The following NRXN3 variants were observed in gnomAD, a reference collection of about 807,000 sequenced individuals.
The protein encoded by NRXN3 is neurexin III.
NRXN3 carries 32 observed loss-of-function variants against 137.6 expected under a neutral mutation model. That is an observed-to-expected ratio of 0.23 (90% confidence interval 0.18 to 0.31). NRXN3 has a LOEUF of 0.31. Among genes scored for constraint, NRXN3 ranks in the 10% least tolerant of loss-of-function variants. The probability of loss-of-function intolerance (pLI) is 1.00; values close to 1 mark genes in which losing one functional copy is unlikely to be tolerated. For missense variants in NRXN3, 1,574 were observed against 2,062.5 expected (o/e 0.76, Z 4.59); for synonymous variants, 798 against 784.5 (o/e 1.02, Z -0.29).
At chr14:79,550,136 AT>A (rs1180982987) in intron 16 of NRXN3, among the ~76,000 whole-genome samples, 2 of 151,734 alleles carry the variant, frequency 1.3e-5, no homozygotes, top group African/African-American at 4.8e-5. Flanking sequence ...CACCAAGCTA[AT>A]TTTTTTATTT....
At chr14:79,803,913 GTATATA>G (rs72231822) in intron 19 of NRXN3, among the ~76,000 whole-genome samples, 2 of 139,326 alleles carry the variant, frequency 1.4e-5, no homozygotes, top group Non-Finnish European at 3.1e-5. Flanking sequence ...ATATATATAT[GTATATA>G]TATATATGTG....
intron 15 of NRXN3, among the ~76,000 whole-genome samples, chr14:79,035,310 T>G (rs1305581276): frequency 6.6e-6 from 1 of 152,112 alleles, no homozygotes; most frequent in Non-Finnish European, 1.5e-5. Flanking sequence ...GGACTGTCCT[T>G]TTAATAGGCC....
intron 15 of NRXN3, among the ~76,000 whole-genome samples, chr14:79,307,781 T>G (rs2086349515): frequency 6.6e-6 from 1 of 152,094 alleles, no homozygotes; most frequent in South Asian, 2.1e-4. Flanking sequence ...TCTCTCTCTC[T>G]TTCTCTCTTT....
intron 16 of NRXN3, among the ~76,000 whole-genome samples, chr14:79,643,865 G>A (rs2098443119): frequency 7.4e-6 from 1 of 135,356 alleles, no homozygotes; most frequent in South Asian, 2.3e-4. Context: ...AAACCCTGTT[G>A]AATTTTGTCT....
intron 15 of NRXN3, among the ~76,000 whole-genome samples, chr14:79,053,689 C>T (rs890816248): frequency 4.6e-5 from 7 of 151,332 alleles, no homozygotes; most frequent in Non-Finnish European, 7.4e-5. Flanking sequence ...GTGTCCCTAG[C>T]GGAAGAAGTA....
At chr14:79,363,808 T>G (rs542408809) in intron 15 of NRXN3, among the ~76,000 whole-genome samples, 2 of 152,206 alleles carry the variant, frequency 1.3e-5, no homozygotes, top group African/African-American at 4.8e-5. Context: ...TAGAATCCTG[T>G]TAAATCTAAC....
intron 4 of NRXN3, among the ~76,000 whole-genome samples, chr14:78,506,651 T>G (rs1326988765): frequency 8.3e-4 from 39 of 46,742 alleles, no homozygotes; most frequent in Non-Finnish European, 5.6e-4. Context: ...TAGTTTTTTT[T>G]TTTTTTTTTT....
chr14:79,718,600 T>C (rs1041391115), intron 19 of NRXN3, among the ~76,000 whole-genome samples: 3 of 152,146 alleles, frequency 2.0e-5, no homozygotes, highest in Non-Finnish European at 4.4e-5. Flanking sequence ...TGAACTAGTA[T>C]AGCAGCCAGG....
At chr14:78,189,609 T>C (rs2060531432) in intron 1 of NRXN3, among the ~76,000 whole-genome samples, 1 of 152,012 alleles carries the variant, frequency 6.6e-6, no homozygotes. Context: ...TTTTTTGAGA[T>C]GGAGTCTTGT....
At chr14:78,531,468 C>G (rs964172457) in intron 4 of NRXN3, among the ~76,000 whole-genome samples, 2 of 152,156 alleles carry the variant, frequency 1.3e-5, no homozygotes, top group African/African-American at 2.4e-5. Context: ...CCTGAGCCAC[C>G]AATTTTCTCA....
At chr14:79,349,685 T>G (rs1376647201) in intron 15 of NRXN3, among the ~76,000 whole-genome samples, 1 of 152,024 alleles carries the variant, frequency 6.6e-6, no homozygotes, top group Non-Finnish European at 1.5e-5. Flanking sequence ...TATGTTGAAG[T>G]CCTAACCTCT....
chr14:79,637,904 AT>A (rs1047022379), intron 16 of NRXN3, among the ~76,000 whole-genome samples: 3 of 150,970 alleles, frequency 2.0e-5, no homozygotes, highest in Non-Finnish European at 4.4e-5. Flanking sequence ...TAATATTTTT[AT>A]TTTTAGTAGA....
intron 4 of NRXN3, among the ~76,000 whole-genome samples, chr14:78,440,398 C>T (rs900719886): frequency 1.3e-5 from 2 of 151,508 alleles, no homozygotes; most frequent in African/African-American, 4.9e-5. Flanking sequence ...ATGATGATTA[C>T]TGTTATTGCA....
At chr14:78,835,182 G>C (rs215503) in intron 10 of NRXN3, among the ~76,000 whole-genome samples, 101,875 of 152,064 alleles carry the variant, frequency 0.67, 36,912 homozygotes, top group Non-Finnish European at 0.8. Context: ...AAGGGAAGCA[G>C]GAGTAGAGAA....
intron 8 of NRXN3, among the ~76,000 whole-genome samples, chr14:78,729,783 G>T (rs2098505870): frequency 2.0e-5 from 3 of 152,052 alleles, no homozygotes; most frequent in Admixed American, 2.0e-4. Flanking sequence ...TTTTTGCTTT[G>T]CTCATCTCTC....
chr14:79,482,164 A>G (rs1387877516), intron 16 of NRXN3, among the ~76,000 whole-genome samples: 1 of 152,216 alleles, frequency 6.6e-6, no homozygotes, highest in South Asian at 2.1e-4. Context: ...AGTTTTACAA[A>G]GCAGTTTAGT....
intron 15 of NRXN3, among the ~76,000 whole-genome samples, chr14:79,227,600 C>G (rs2071178555): frequency 6.6e-6 from 1 of 152,116 alleles, no homozygotes; most frequent in African/African-American, 2.4e-5. Flanking sequence ...AAATGAATAA[C>G]TTTTTATTGG....
chr14:78,397,862 C>T (rs936758507), intron 4 of NRXN3, among the ~76,000 whole-genome samples: 29 of 151,452 alleles, frequency 1.9e-4, no homozygotes, highest in Non-Finnish European at 3.7e-4. Flanking sequence ...CCTTGGCCCC[C>T]GCAAAGTGCT....
intron 20 of NRXN3, among the ~76,000 whole-genome samples, chr14:79,817,316 G>A (rs913913446): frequency 6.6e-6 from 1 of 152,280 alleles, no homozygotes; most frequent in South Asian, 2.1e-4. Flanking sequence ...GCCTCCCGAA[G>A]TTCTGGGATT....
Sources: gnomAD v4.1 joint callset for allele counts (sites outside exome capture counted in the v4.1 genomes callset) on GRCh38, gnomAD v4.1.1 for gene constraint, MANE v1.5 for transcripts, NCBI Gene and HGNC (gene_info 2026-07-23, HGNC 2026-07-21) for gene names.